The following TLK1 variants were observed in gnomAD, a reference collection of about 807,000 sequenced individuals.
TLK1 encodes the protein tousled like kinase 1, also known as serine/threonine-protein kinase tousled-like 1.
In TLK1, 24 loss-of-function variants were observed where a neutral mutation model predicts 105.3. The ratio of observed to expected loss-of-function variants is 0.23; its 90% CI spans 0.17 to 0.32. The LOEUF (loss-of-function observed/expected upper bound fraction) is 0.32. TLK1 is among the 10% of genes least tolerant of loss of function. TLK1 has a pLI of 1.00. For synonymous variants in TLK1, 321 were observed against 310.4 expected, an observed-to-expected ratio of 1.03 and a Z score of -0.36; for missense variants, 558 against 910.5, an observed-to-expected ratio of 0.61 and a Z score of 4.98.
At chr2:171,171,005 A>G (rs573552272) in intron 1 of TLK1, among the ~76,000 whole-genome samples, 2 of 152,348 alleles carry the variant, frequency 1.3e-5, no homozygotes, top group Admixed American at 6.5e-5. Context: ...AAACACAAAA[A>G]TATATTCCAA....
chr2:171,196,052 A>AG (rs1553488735), intron 1 of TLK1, among the ~76,000 whole-genome samples: 1 of 103,590 alleles, frequency 9.7e-6, no homozygotes, highest in Non-Finnish European at 2.2e-5. Flanking sequence ...AAAAAAAAAA[A>AG]GAAAGAAAGA....
intron 3 of TLK1, among the ~76,000 whole-genome samples, chr2:171,073,329 C>T (rs904142299): frequency 6.6e-6 from 1 of 152,276 alleles, no homozygotes; most frequent in Non-Finnish European, 1.5e-5. Context: ...CACTGAACCA[C>T]ATCGAATATA....
intron 11 of TLK1, among the ~76,000 whole-genome samples, chr2:171,041,363 A>C (rs1180890641): frequency 6.6e-6 from 1 of 152,240 alleles, no homozygotes; most frequent in Non-Finnish European, 1.5e-5. Context: ...GGGAGAGTTA[A>C]ATTTGGAATC....
intron 1 of TLK1, among the ~76,000 whole-genome samples, chr2:171,150,041 T>C (rs1396618110): frequency 6.6e-6 from 1 of 152,220 alleles, no homozygotes; most frequent in Non-Finnish European, 1.5e-5. Context: ...CTGCATTAGA[T>C]ATTTGCTCAG....
chr2:171,184,612 A>G (rs887290991), intron 1 of TLK1, among the ~76,000 whole-genome samples: 2 of 149,936 alleles, frequency 1.3e-5, no homozygotes, highest in Non-Finnish European at 3.0e-5. Context: ...ATTGCACTCC[A>G]GCCTGGGCAA....
At chr2:171,209,440 T>C (rs1693569048) in intron 1 of TLK1, among the ~76,000 whole-genome samples, 1 of 152,208 alleles carries the variant, frequency 6.6e-6, no homozygotes, top group Non-Finnish European at 1.5e-5. Flanking sequence ...TGTTTAAATA[T>C]ACACAGAAAT....
chr2:170,999,190 AAAAC>A (rs1183974074), intron 18 of TLK1, among the ~76,000 whole-genome samples: 2 of 152,240 alleles, frequency 1.3e-5, no homozygotes, highest in Non-Finnish European at 1.5e-5. Context: ...TAAAATTATC[AAAAC>A]AAATAATGCT....
intron 12 of TLK1, among the ~76,000 whole-genome samples, chr2:171,022,622 TAGA>T (rs1195981002): frequency 6.6e-6 from 1 of 152,236 alleles, no homozygotes; most frequent in Non-Finnish European, 1.5e-5. Flanking sequence ...AGAGAATTCC[TAGA>T]AGATTTCTTC....
intron 1 of TLK1, among the ~76,000 whole-genome samples, chr2:171,215,237 ACT>A (rs1305316506): frequency 6.6e-6 from 1 of 151,500 alleles, no homozygotes; most frequent in East Asian, 1.9e-4. Flanking sequence ...CGCCGTGCCC[ACT>A]CTCTCTCTCA....
chr2:171,113,729 T>C (rs1472471208), intron 2 of TLK1, among the ~76,000 whole-genome samples: 6 of 152,064 alleles, frequency 3.9e-5, no homozygotes, highest in Non-Finnish European at 7.4e-5. Context: ...TAAAACTGGA[T>C]CACTACCAAT....
At chr2:171,100,672 A>G (rs75073199) in intron 2 of TLK1, among the ~76,000 whole-genome samples, 1,756 of 152,250 alleles carry the variant, frequency 0.012, 32 homozygotes, top group African/African-American at 0.04. Context: ...AAAGACAATA[A>G]TAAGTGTTGA....
chr2:171,145,097 C>A (rs138505554), intron 1 of TLK1, among the ~76,000 whole-genome samples: 1,930 of 152,092 alleles, frequency 0.013, 17 homozygotes, highest in Non-Finnish European at 0.019. Context: ...TCACTTGAGG[C>A]CAGGAGTTCG....
chr2:171,133,752 C>G (rs991426943), intron 1 of TLK1, among the ~76,000 whole-genome samples: 1 of 147,696 alleles, frequency 6.8e-6, no homozygotes, highest in Non-Finnish European at 1.5e-5. Context: ...ATGTTTCAGA[C>G]TTCTGATTTT....
Position 171,049,870 on chromosome 2 carries a change from A to G in TLK1, c.924T>C (p.His308=), listed in dbSNP as rs755151381. 2 of 1,613,968 alleles carry G rather than the reference A, an allele frequency of 1.2e-6. No individual in the cohort carries two copies. Among genetic ancestry groups the G allele is most frequent in the Admixed American group, 1.7e-5 (1 of 60,010 alleles). The change falls in exon 10 of 21, where the codon CAT becomes CAC. Residue 308 remains histidine, a synonymous_variant. Coordinates refer to ENST00000431350, the MANE Select transcript of TLK1 (RefSeq NM_012290.5). ...LRLGHFTTVR[H]GASFTEQWTD... Reference sequence around the variant, plus strand: ...TCCATTGTTCAGTAAATGAAGCGCCATGTCTAACTGTTGTAAAGTGCCCGA... The same window carrying G: ...TCCATTGTTCAGTAAATGAAGCGCCGTGTCTAACTGTTGTAAAGTGCCCGA...
chr2:171,101,346 C>CAAAAAAAAAAAAAAAAAA (rs71401403), intron 2 of TLK1, among the ~76,000 whole-genome samples: 11 of 63,488 alleles, frequency 1.7e-4, no homozygotes, highest in African/African-American at 7.9e-4. Context: ...AACTCCGTCT[C>CAAAAAAAAAAAAAAAAAA]AAAAAAAAAA....
chr2:170,991,817 G>A lies in TLK1; in HGVS notation c.*1963C>T, dbSNP rs923813145. 2.6e-5 allele frequency: 4 copies of A among 152,076 alleles called. No individual in the cohort carries two copies. Among genetic ancestry groups the A allele is most frequent in the South Asian group, 2.1e-4 (1 of 4,828 alleles). The allele number at this position is 152,076 out of a possible 1,614,324, so 9.4% of individuals were successfully genotyped here. A position where few individuals can be genotyped will look rare whatever the true frequency, so the allele number is the denominator to read the frequency against. The stretch of plus-strand genomic sequence containing the variant: ...ATAGGACTTTATCATTCATAAAGAC[G>A]AAAACTCTAACAACAAAACTGAAAA... On this transcript the variant is annotated 3_prime_UTR_variant, in exon 21 of 21. Transcript: ENST00000431350.
intron 2 of TLK1, among the ~76,000 whole-genome samples, chr2:171,085,431 T>C (rs1054726018): frequency 6.6e-6 from 1 of 151,876 alleles, no homozygotes; most frequent in Non-Finnish European, 1.5e-5. Context: ...CATTTTCAGT[T>C]GTCAGTCTCT....
At chr2:171,082,259 G>A (rs1164022589) in intron 3 of TLK1, among the ~76,000 whole-genome samples, 1 of 152,002 alleles carries the variant, frequency 6.6e-6, no homozygotes, top group Admixed American at 6.5e-5. Flanking sequence ...TTTTCTTGGT[G>A]GGATCAGTAA....
At chr2:171,092,045 T>TAA (rs1689261520) in intron 2 of TLK1, among the ~76,000 whole-genome samples, 1 of 151,992 alleles carries the variant, frequency 6.6e-6, no homozygotes, top group African/African-American at 2.4e-5. Flanking sequence ...TTTTTTTTTT[T>TAA]AATCCACTGG....
Sources: gnomAD v4.1 joint callset for allele counts (sites outside exome capture counted in the v4.1 genomes callset) on GRCh38, gnomAD v4.1.1 for gene constraint, MANE v1.5 for transcripts, NCBI Gene and HGNC (gene_info 2026-07-23, HGNC 2026-07-21) for gene names.